Variants in PCDHA8 observed in about 807,000 individuals in gnomAD.
PCDHA8 encodes protocadherin alpha 8.
A neutral mutation model predicts 61.8 loss-of-function variants in PCDHA8; 53 were observed. That is an observed-to-expected ratio of 0.86 (90% CI 0.69 to 1.08). PCDHA8 has a LOEUF of 1.08. Ranked by LOEUF, PCDHA8 falls within the 50% of genes least tolerant of loss-of-function variation. PCDHA8 has a pLI of 0.00. For missense variants in PCDHA8, 1,293 were observed against 1,245.0 expected (o/e 1.04, Z -0.58); for synonymous variants, 618 against 556.6 (o/e 1.11, Z -1.55).
chr5:140,876,191 C>T (rs1313911800), intron 1 of PCDHA8: 3 of 1,613,760 alleles, frequency 1.9e-6, no homozygotes, highest in Non-Finnish European at 2.5e-6. Context: ...GACAATGGTC[C>T]GGCGTTTGAT....
At chr5:140,967,390 G>C (rs2096135950) in intron 1 of PCDHA8, 1 of 1,609,870 alleles carries the variant, frequency 6.2e-7, no homozygotes, top group African/African-American at 1.3e-5. Context: ...AAGTGCTTGA[G>C]CTGGTGCTGC....
At chr5:140,916,367 C>T (rs1400347792) in intron 1 of PCDHA8, among the ~76,000 whole-genome samples, 2 of 152,196 alleles carry the variant, frequency 1.3e-5, no homozygotes, top group Non-Finnish European at 1.5e-5. Context: ...GAGTCTTTCA[C>T]TGTAGCCACC....
At chr5:140,967,627 C>G (rs1218869340) in intron 1 of PCDHA8, 16 of 1,614,040 alleles carry the variant, frequency 9.9e-6, no homozygotes, top group Non-Finnish European at 1.3e-5. Context: ...CGGATGAGGG[C>G]TCCAATGGTG....
intron 1 of PCDHA8, among the ~76,000 whole-genome samples, chr5:140,907,117 T>G (rs2073177882): frequency 6.6e-6 from 1 of 152,156 alleles, no homozygotes; most frequent in Non-Finnish European, 1.5e-5. Context: ...ACCCCTTGAT[T>G]CCTGGACCTG....
chr5:140,899,071 C>T (rs1436283947), intron 1 of PCDHA8, among the ~76,000 whole-genome samples: 1 of 152,106 alleles, frequency 6.6e-6, no homozygotes, highest in African/African-American at 2.4e-5. Flanking sequence ...AGTTGCTTAT[C>T]AGCTTAAGGA....
intron 1 of PCDHA8, among the ~76,000 whole-genome samples, chr5:140,975,937 A>C (rs2096690423): frequency 1.3e-5 from 2 of 152,194 alleles, no homozygotes; most frequent in South Asian, 2.1e-4. Context: ...CTTTGAAGCA[A>C]TAGGACATAT....
Position 140,876,962 on chromosome 5 carries a change from G to T in PCDHA8, c.2394+33247G>T, listed in dbSNP as rs375871457. 15 of 1,612,908 alleles carry T rather than the reference G, an allele frequency of 9.3e-6. No homozygotes were observed. The African/African-American group carries it at 1.6e-4, about 17-fold the overall frequency. ...CTGGTGTCCTACTCGCTGGTGGAGCGGCGGGTGGGCGAGCACGCACTGTCG... is the reference window on the plus strand; with the variant it reads ...CTGGTGTCCTACTCGCTGGTGGAGCTGCGGGTGGGCGAGCACGCACTGTCG... On this transcript the variant is annotated intron_variant, in intron 1 of 3. Coordinates refer to ENST00000531613, the MANE Select transcript of PCDHA8 (RefSeq NM_018911.3).
At position 140,979,027 on chromosome 5, in the gene PCDHA8, T is replaced by C. The variant is rs782016038; in HGVS notation, c.2453+20T>C. ...GCACAGGTATGTATTTCCCTCCTCA[T>C]TCACTCAGAAGTAACCTTAACTTGG... On this transcript the variant is annotated intron_variant, in intron 2 of 3. Coordinates refer to ENST00000531613, the MANE Select transcript of PCDHA8 (RefSeq NM_018911.3). The C allele has an allele frequency of 3.5e-5, 57 of 1,613,492 alleles. No homozygotes were observed. Among genetic ancestry groups the C allele is most frequent in the Non-Finnish European group, 4.4e-5 (52 of 1,179,754 alleles).
At chr5:140,879,025 A>G (rs557183400) in intron 1 of PCDHA8, among the ~76,000 whole-genome samples, 36 of 152,342 alleles carry the variant, frequency 2.4e-4, no homozygotes, top group African/African-American at 8.7e-4. Flanking sequence ...TGTTTTATTG[A>G]AGAGTGTCTT....
At position 140,848,936 on chromosome 5, in the gene PCDHA8, G is replaced by T. The variant is rs2150425486; in HGVS notation, c.2394+5221G>T. On this transcript the variant is annotated intron_variant, in intron 1 of 3. Coordinates refer to ENST00000531613, the MANE Select transcript of PCDHA8 (RefSeq NM_018911.3). ...ATCTGTTCATCGCGGAATCCAGGCC[G>T]CTTGACTCTCGGTTTCCACTAGAGG... The T allele has an allele frequency of 3.7e-6, 6 of 1,607,362 alleles. 1 individual carries two copies. The highest frequency in any genetic ancestry group is 4.5e-5 in the East Asian group (2 of 44,818).
At chr5:140,851,776 A>G (rs2042157879) in intron 1 of PCDHA8, 1 of 964,146 alleles carries the variant, frequency 1.0e-6, no homozygotes, top group South Asian at 4.8e-5. Flanking sequence ...TTATGAATTT[A>G]GATGAGAATT....
intron 3 of PCDHA8, among the ~76,000 whole-genome samples, chr5:140,987,224 A>T (rs28567024): frequency 4.6e-5 from 7 of 152,044 alleles, no homozygotes; most frequent in East Asian, 1.9e-4. Context: ...AAAAAAAAAA[A>T]AAATAATAAA....
At chr5:140,909,025 T>C (rs1226589511) in intron 1 of PCDHA8, among the ~76,000 whole-genome samples, 1 of 152,156 alleles carries the variant, frequency 6.6e-6, no homozygotes, top group African/African-American at 2.4e-5. Context: ...TGAATTTTAG[T>C]CATTTATTTT....
At chr5:140,943,321 G>C (rs1012061757) in intron 1 of PCDHA8, among the ~76,000 whole-genome samples, 3 of 150,454 alleles carry the variant, frequency 2.0e-5, no homozygotes, top group Non-Finnish European at 4.4e-5. Flanking sequence ...TAGCAATATT[G>C]TGTAGTATCC....
At chr5:141,003,928 G>A (rs1479798792) in intron 3 of PCDHA8, among the ~76,000 whole-genome samples, 1 of 152,128 alleles carries the variant, frequency 6.6e-6, no homozygotes, top group Non-Finnish European at 1.5e-5. Context: ...CCTCAGTCTT[G>A]TCTTTGCCTG....
At chr5:140,854,871 T>A (rs2043250879) in intron 1 of PCDHA8, among the ~76,000 whole-genome samples, 2 of 149,910 alleles carry the variant, frequency 1.3e-5, no homozygotes, top group South Asian at 4.2e-4. Context: ...ATTTCAGAAC[T>A]GTGTCTTTTG....
At chr5:140,967,279 T>A in intron 1 of PCDHA8, 1 of 1,613,002 alleles carries the variant, frequency 6.2e-7, no homozygotes, top group Non-Finnish European at 8.5e-7. Context: ...ACATAGAGAG[T>A]GCGCAGGACC....
intron 1 of PCDHA8, chr5:140,883,650 C>A: frequency 6.2e-7 from 1 of 1,613,572 alleles, no homozygotes; most frequent in East Asian, 2.2e-5. Flanking sequence ...CCCGAGTACA[C>A]GGTGTTCGTG....
rs114370861 is a variant in PCDHA8 at position 140,845,840 on chromosome 5, G to A, written c.2394+2125G>A. 5.2e-3 allele frequency among the ~76,000 whole-genome samples: 775 copies of A among 149,794 alleles called. 45 individuals are homozygous for A. Among genetic ancestry groups the A allele is most frequent in the African/African-American group, 0.018 (745 of 40,934 alleles). On this transcript the variant is annotated intron_variant, in intron 1 of 3. Transcript: ENST00000531613. The stretch of plus-strand genomic sequence containing the variant: ...AAAATTTAGTTATTACCATTCTTAA[G>A]AGAAAAGAAGTTAGTGATTGCAGAA...
Sources: gnomAD v4.1 joint callset for allele counts (sites outside exome capture counted in the v4.1 genomes callset) on GRCh38, gnomAD v4.1.1 for gene constraint, MANE v1.5 for transcripts, NCBI Gene and HGNC (gene_info 2026-07-23, HGNC 2026-07-21) for gene names.